OTULIN: variants seen among roughly 807,000 people sequenced by gnomAD.
The protein encoded by OTULIN is OTU deubiquitinase with linear linkage specificity, also known as ubiquitin thioesterase otulin.
In OTULIN, 15 loss-of-function variants were observed where a neutral mutation model predicts 39.6. The observed-to-expected ratio is 0.38, with a 90% CI of 0.25 to 0.58. OTULIN has a LOEUF of 0.58. Ranked by LOEUF, OTULIN falls within the 20% of genes least tolerant of loss-of-function variation. The pLI is 0.66. For missense variants in OTULIN, 319 were observed against 445.9 expected (o/e 0.72, Z 2.56); for synonymous variants, 156 against 170.3 (o/e 0.92, Z 0.65).
the OTULIN span, chr5:14,712,843 C>T: frequency 3.2e-5 from 51 of 1,572,746 alleles, no homozygotes; most frequent in South Asian, 5.8e-5. Flanking sequence ...AGGATGCACC[C>T]GGGAGGAGGC....
At chr5:14,679,989 A>G (rs982015618) in intron 3 of OTULIN, among the ~76,000 whole-genome samples, 15 of 152,232 alleles carry the variant, frequency 9.9e-5, no homozygotes, top group Non-Finnish European at 1.5e-5. Context: ...GATGCCTGAA[A>G]ACAGCTTTCA....
chr5:14,711,269 G>A, the OTULIN span: 1 of 1,614,132 alleles, frequency 6.2e-7, no homozygotes, highest in Admixed American at 1.7e-5. Flanking sequence ...TCATGGCAGA[G>A]TCTTCCCCCT....
the OTULIN span, chr5:14,709,558 A>T: frequency 6.6e-6 from 1 of 152,236 alleles, no homozygotes; most frequent in Non-Finnish European, 1.5e-5. Flanking sequence ...ATATGATCAC[A>T]CAGCACTGAA....
At chr5:14,671,541 A>G (rs1181693088) in intron 1 of OTULIN, among the ~76,000 whole-genome samples, 2 of 152,206 alleles carry the variant, frequency 1.3e-5, no homozygotes, top group Non-Finnish European at 2.9e-5. Flanking sequence ...TTATTGAGAG[A>G]AGAACGAACA....
chr5:14,684,412 T>G (rs1301011073), intron 4 of OTULIN, among the ~76,000 whole-genome samples: 3 of 152,228 alleles, frequency 2.0e-5, no homozygotes, highest in Non-Finnish European at 4.4e-5. Context: ...GATGACAAAT[T>G]CAAATTCAGC....
At chr5:14,700,826 CT>C (rs1736781799), downstream of OTULIN, among the ~76,000 whole-genome samples, 1 of 152,146 alleles carries the variant, frequency 6.6e-6, no homozygotes, top group Non-Finnish European at 1.5e-5. Flanking sequence ...TCTCCTACCC[CT>C]GGTGAAAACT....
chr5:14,675,389 A>G (rs866980446), intron 2 of OTULIN, among the ~76,000 whole-genome samples: 3 of 152,176 alleles, frequency 2.0e-5, no homozygotes, highest in African/African-American at 7.2e-5. Flanking sequence ...CCCTCAAGCA[A>G]TTGGTGAACT....
the OTULIN span, among the ~76,000 whole-genome samples, chr5:14,716,397 C>T: frequency 1.3e-5 from 2 of 152,120 alleles, no homozygotes. Context: ...GGAGGCTGAA[C>T]AGGAGAAGTG....
the OTULIN span, chr5:14,711,221 CACGATGTCT>C: frequency 6.2e-7 from 1 of 1,614,164 alleles, no homozygotes; most frequent in South Asian, 1.1e-5. Context: ...CTCTCATTTC[CACGATGTCT>C]GTCACCTCCT....
chr5:14,715,753 A>G, the OTULIN span, among the ~76,000 whole-genome samples: 1 of 152,254 alleles, frequency 6.6e-6, no homozygotes, highest in African/African-American at 2.4e-5. Context: ...ATGGTTGTAT[A>G]CTAATCAACC....
chr5:14,715,251 C>T, the OTULIN span, among the ~76,000 whole-genome samples: 1 of 152,212 alleles, frequency 6.6e-6, no homozygotes, highest in Admixed American at 6.5e-5. Flanking sequence ...CCTGCCTTAG[C>T]CTCCTGAGTA....
downstream of OTULIN, among the ~76,000 whole-genome samples, chr5:14,700,439 C>T (rs151320506): frequency 2.8e-4 from 42 of 152,278 alleles, no homozygotes; most frequent in East Asian, 6.2e-3. Flanking sequence ...TGCCTGCATC[C>T]ATTCACCAAA....
At chr5:14,707,487 G>C in the OTULIN span, 1 of 152,186 alleles carries the variant, frequency 6.6e-6, no homozygotes, top group Admixed American at 6.5e-5. Flanking sequence ...AATTTTGAGA[G>C]TTACGATATG....
At chr5:14,669,231 G>A (rs908758569) in intron 1 of OTULIN, among the ~76,000 whole-genome samples, 1 of 152,106 alleles carries the variant, frequency 6.6e-6, no homozygotes, top group Non-Finnish European at 1.5e-5. Context: ...CGGGTGTGGT[G>A]GCAGACGCCT....
the OTULIN span, chr5:14,713,445 G>A: frequency 2.0e-6 from 3 of 1,504,024 alleles, no homozygotes; most frequent in African/African-American, 1.4e-5. The surrounding 1 kb of genome is among the most constrained non-coding windows in gnomAD (Gnocchi z 4.4). Context: ...GATTCTAGAC[G>A]TGCCTGGGGA....
intron 1 of OTULIN, among the ~76,000 whole-genome samples, chr5:14,671,053 C>G (rs1265732691): frequency 6.6e-6 from 1 of 152,110 alleles, no homozygotes; most frequent in African/African-American, 2.4e-5. Context: ...CTCTTTATTT[C>G]CAGTAATTTC....
At chr5:14,710,526 C>G in the OTULIN span, 3 of 154,834 alleles carry the variant, frequency 1.9e-5, no homozygotes, top group African/African-American at 4.8e-5. Flanking sequence ...GTTTGCTGCC[C>G]CCGGGGCATT....
At chr5:14,671,765 A>AAC (rs1215814231) in intron 1 of OTULIN, among the ~76,000 whole-genome samples, 1 of 152,246 alleles carries the variant, frequency 6.6e-6, no homozygotes, top group Non-Finnish European at 1.5e-5. Flanking sequence ...ATTTAGAGAG[A>AAC]AAAAAAGAAA....
intron 2 of OTULIN, among the ~76,000 whole-genome samples, chr5:14,677,759 G>C (rs42358): frequency 0.95 from 143,948 of 152,296 alleles, 68,157 homozygotes; most frequent in African/African-American, 0.99. Context: ...CCACTTTTAG[G>C]TTTTTGGGAT....
Sources: allele counts gnomAD v4.1 joint callset (sites outside exome capture counted in the v4.1 genomes callset), GRCh38; gene constraint gnomAD v4.1.1; non-coding constraint Gnocchi (gnomAD v3.1); transcripts MANE v1.5; gene names NCBI Gene and HGNC (gene_info 2026-07-23, HGNC 2026-07-21).